The following VPS13C variants were observed in gnomAD, a reference collection of about 807,000 sequenced individuals.
VPS13C encodes intermembrane lipid transfer protein VPS13C.
VPS13C carries 358 observed loss-of-function variants against 456.8 expected under a neutral mutation model. That is an observed-to-expected ratio of 0.78 (90% CI 0.72 to 0.86). VPS13C has a LOEUF of 0.86. Among genes scored for constraint, VPS13C ranks in the 40% least tolerant of loss-of-function variants. The pLI, the probability that VPS13C is intolerant of heterozygous loss-of-function variation, is 0.00. For synonymous variants in VPS13C, 1,578 were observed against 1,486.7 expected (o/e 1.06, Z -1.41); for missense variants, 4,818 against 4,385.4 (o/e 1.10, Z -2.79).
At chr15:61,931,015 C>T (rs2044035376) in intron 50 of VPS13C, 75 bp downstream of exon 50, 1 of 1,549,286 alleles carries the variant, frequency 6.5e-7, no homozygotes, top group Admixed American at 1.7e-5. Context: ...TGATCCCTAG[C>T]CTAGCAATGC....
chr15:61,868,335 T>C (rs1345452805), intron 81 of VPS13C, among the ~76,000 whole-genome samples: 1 of 151,936 alleles, frequency 6.6e-6, no homozygotes, highest in Non-Finnish European at 1.5e-5. Flanking sequence ...AGCAATGAAG[T>C]TCCAATAATC....
At chr15:61,942,627 T>A (rs1321317291) in intron 45 of VPS13C, among the ~76,000 whole-genome samples, 1 of 150,752 alleles carries the variant, frequency 6.6e-6, no homozygotes, top group Non-Finnish European at 1.5e-5. Flanking sequence ...AGAGTCAAAA[T>A]TTATTTATAA....
chr15:62,024,737 T>C (rs1338260935), intron 6 of VPS13C, among the ~76,000 whole-genome samples: 1 of 152,166 alleles, frequency 6.6e-6, no homozygotes, highest in East Asian at 1.9e-4. Context: ...CCTTTTATGA[T>C]GTGACCCTAC....
Position 62,008,662 on chromosome 15 carries a change from G to T in VPS13C, c.1111C>A (p.Arg371=), listed in dbSNP as rs752457309. The T allele has an allele frequency of 6.3e-7, 1 of 1,594,942 alleles. No homozygotes were observed. Among genetic ancestry groups the T allele is most frequent in the Non-Finnish European group, 8.5e-7 (1 of 1,170,456 alleles). ...KPYLPLHTNG[R]RWWKYAIDSV... ...AAACAAATTCTAACTTACCATCGTC[G>T]ACCATTGGTATGAAGTGGTAAATAA... The change falls in exon 14 of 85, where the codon CGA becomes AGA. Residue 371 remains arginine (R), a synonymous_variant. Transcript: ENST00000644861.
In VPS13C at chr15:61,911,903, A is replaced by C; in HGVS notation, c.8652T>G (p.Val2884=). 1 of 1,612,752 alleles carries C rather than the reference A, an allele frequency of 6.2e-7. No homozygotes were observed. Among genetic ancestry groups the C allele is most frequent in the Non-Finnish European group, 8.5e-7 (1 of 1,179,308 alleles). The part of the protein sequence containing the change: ...IANKSSLELE[V]GEIASDGSMP... ...TTGAGCCATCAGATGCAATCTCGCCAACTTCTAGTTCTAATGATGACTTGT... is the reference window on the plus strand; with the variant it reads ...TTGAGCCATCAGATGCAATCTCGCCCACTTCTAGTTCTAATGATGACTTGT... The change falls in exon 63 of 85, where the codon GTT becomes GTG. Residue 2884 remains valine, a synonymous_variant. Transcript: ENST00000644861.
chr15:61,918,097 CAA>C (rs1166341100), intron 59 of VPS13C, 37 bp downstream of exon 59: 1 of 1,535,420 alleles, frequency 6.5e-7, no homozygotes, highest in Non-Finnish European at 8.7e-7. Flanking sequence ...ATCCCCAACT[CAA>C]TACATTTAAA....
At chr15:62,049,605 T>C (rs149172604) in intron 1 of VPS13C, among the ~76,000 whole-genome samples, 13 of 152,224 alleles carry the variant, frequency 8.5e-5, no homozygotes, top group African/African-American at 2.4e-4. Flanking sequence ...TGGTTCCATA[T>C]GAACTTTAAA....
At chr15:61,952,916 G>A (rs1032578792) in intron 38 of VPS13C, among the ~76,000 whole-genome samples, 7 of 151,814 alleles carry the variant, frequency 4.6e-5, no homozygotes, top group African/African-American at 1.7e-4. Context: ...TAGAGATGGG[G>A]TCTTGTTATG....
intron 25 of VPS13C, among the ~76,000 whole-genome samples, chr15:61,973,944 A>G (rs1159011466): frequency 6.6e-6 from 1 of 152,146 alleles, no homozygotes; most frequent in African/African-American, 2.4e-5. Flanking sequence ...GCCTTGGCAC[A>G]TGGTATCACC....
chr15:62,055,970 A>G (rs546650504), intron 1 of VPS13C, among the ~76,000 whole-genome samples: 5 of 152,284 alleles, frequency 3.3e-5, no homozygotes, highest in South Asian at 4.1e-4. Flanking sequence ...CTACATGCCA[A>G]TAGCACACCT....
rs1203945941 is a variant in VPS13C at position 61,880,701 on chromosome 15, T to TA, written c.9909dup (p.Ile3304TyrfsTer2). The TA allele has an allele frequency of 6.3e-7, 1 of 1,588,726 alleles. No individual in the cohort carries two copies. The highest frequency in any genetic ancestry group is 8.5e-7 in the Non-Finnish European group (1 of 1,169,974). On this transcript the variant is annotated frameshift_variant, in exon 73 of 85. Transcript: ENST00000644861. LOFTEE classifies it high-confidence loss of function. ...ATTAATTCTGCATTTAGAGCATCAATATCTTGTTGGATTAACTTTGTCTGA... is the reference window on the plus strand; with the variant it reads ...ATTAATTCTGCATTTAGAGCATCAATAATCTTGTTGGATTAACTTTGTCTGA...
At chr15:61,991,571 T>C (rs2046223383) in intron 17 of VPS13C, 102 bp downstream of exon 17, 8 of 1,341,530 alleles carry the variant, frequency 6.0e-6, no homozygotes, top group Non-Finnish European at 6.0e-6. Context: ...AGGTAATTTA[T>C]TTCAAATGTA....
chr15:61,982,823 T>C (rs993828023), intron 20 of VPS13C, among the ~76,000 whole-genome samples: 1 of 152,198 alleles, frequency 6.6e-6, no homozygotes, highest in African/African-American at 2.4e-5. Flanking sequence ...CAGCGTCATA[T>C]GGATGTAGCA....
At chr15:61,954,323 T>C in intron 38 of VPS13C, 98 bp downstream of exon 38, 1 of 1,356,204 alleles carries the variant, frequency 7.4e-7, no homozygotes, top group Non-Finnish European at 1.0e-6. Flanking sequence ...ACATAGATTT[T>C]TTTCATCAGT....
rs759466986 is a variant in VPS13C at position 62,060,333 on chromosome 15, G to A, written c.42C>T (p.Phe14=). The change falls in exon 1 of 85, where the codon TTC becomes TTT. Residue 14 remains phenylalanine, a synonymous_variant. Transcript: ENST00000644861. ...ESVVADLLNR[F]LGDYVENLNK... Reference sequence around the variant, plus strand: ...TCAGGTTCTCCACATAGTCCCCCAGGAAGCGGTTCAGCAAGTCCGCGACCA... The same window carrying A: ...TCAGGTTCTCCACATAGTCCCCCAGAAAGCGGTTCAGCAAGTCCGCGACCA... The A allele has an allele frequency of 1.9e-5, 30 of 1,607,062 alleles. No homozygotes were observed. The highest frequency in any genetic ancestry group is 2.4e-5 in the Non-Finnish European group (28 of 1,177,266).
At chr15:61,961,420 C>G (rs1027691271) in intron 35 of VPS13C, among the ~76,000 whole-genome samples, 169 bp downstream of exon 35, 16 of 150,538 alleles carry the variant, frequency 1.1e-4, no homozygotes, top group African/African-American at 2.9e-4. Context: ...CACACACACA[C>G]ACACACACAC....
At chr15:61,918,326 A>G (rs1437370192) in intron 58 of VPS13C, 69 bp from the exon 59 acceptor site, 3 of 1,352,298 alleles carry the variant, frequency 2.2e-6, no homozygotes, top group Non-Finnish European at 3.0e-6. Flanking sequence ...TGAGAGCCAC[A>G]AACAAATACT....
chr15:62,003,468 G>C lies in VPS13C; in HGVS notation c.1291-2842C>G, dbSNP rs865859981. 7.9e-4 allele frequency among the ~76,000 whole-genome samples: 120 copies of C among 152,146 alleles called. 1 individual carries two copies. Among genetic ancestry groups the C allele is most frequent in the Admixed American group, 1.0e-3 (16 of 15,290 alleles). The stretch of plus-strand genomic sequence containing the variant: ...TATACAATCATGTCGTCTGCAAACA[G>C]GGACAATTTGACTTCCTCTTTTCCT... On this transcript the variant is annotated intron_variant, in intron 15 of 84. Coordinates refer to ENST00000644861, the MANE Select transcript of VPS13C (RefSeq NM_020821.3).
rs1323178271 is a variant in VPS13C at position 62,037,237 on chromosome 15, A to AT, written c.188-2186_188-2185insA. On this transcript the variant is annotated intron_variant, in intron 3 of 84. Transcript: ENST00000644861. ...TATATTATATAATATATTATATATA[A>AT]ATATATATAATATATTTATATATAT... Among the ~76,000 whole-genome samples, 260 of 53,894 alleles carry AT rather than the reference A, an allele frequency of 4.8e-3. 12 individuals carry two copies. The East Asian group carries it at 0.067, about 14-fold the overall frequency. The allele number at this position is 53,894 out of a possible 152,430, so 35.4% of individuals were successfully genotyped here. A position where few individuals can be genotyped will look rare whatever the true frequency, so the allele number is the denominator to read the frequency against.
Sources: allele counts gnomAD v4.1 joint callset (sites outside exome capture counted in the v4.1 genomes callset), GRCh38; gene constraint gnomAD v4.1.1; transcripts MANE v1.5; gene names NCBI Gene and HGNC (gene_info 2026-07-23, HGNC 2026-07-21).